DLG2: variants seen among roughly 807,000 people sequenced by gnomAD.
DLG2 encodes the protein discs large MAGUK scaffold protein 2.
Under a neutral mutation model 132.5 loss-of-function variants are expected in DLG2, and 45 were observed. That is an observed-to-expected ratio of 0.34 (90% CI 0.27 to 0.44). The LOEUF is 0.44. DLG2 is among the 20% of genes least tolerant of loss of function. The probability of loss-of-function intolerance (pLI) is 1.00; values close to 1 mark genes in which losing one functional copy is unlikely to be tolerated. For missense variants in DLG2, 1,045 were observed against 1,196.9 expected, an observed-to-expected ratio of 0.87 and a Z score of 1.87; for synonymous variants, 424 against 419.6, an observed-to-expected ratio of 1.01 and a Z score of -0.13.
chr11:83,799,010 TA>T (rs1018832895), intron 17 of DLG2, among the ~76,000 whole-genome samples: 3 of 152,182 alleles, frequency 2.0e-5, no homozygotes, highest in African/African-American at 7.2e-5. Context: ...TTCTATGGCT[TA>T]AAAATAACAT....
intron 6 of DLG2, among the ~76,000 whole-genome samples, chr11:84,633,487 T>TA (rs915246165): frequency 6.0e-4 from 91 of 152,178 alleles, no homozygotes; most frequent in African/African-American, 2.1e-3. Flanking sequence ...GTGCACCACT[T>TA]ACTCCAAGAA....
intron 19 of DLG2, among the ~76,000 whole-genome samples, chr11:83,605,003 A>AAGAGAGAGAGAGAGAGAGAGAG (rs1468336370): frequency 3.8e-5 from 3 of 79,950 alleles, no homozygotes; most frequent in Non-Finnish European, 7.7e-5. Context: ...CCAGTTTTCA[A>AAGAGAGAGAGAGAGAGAGAGAG]AGACAGAGAG....
At chr11:85,071,601 A>G (rs541113510) in intron 6 of DLG2, among the ~76,000 whole-genome samples, 33 of 151,862 alleles carry the variant, frequency 2.2e-4, no homozygotes, top group Non-Finnish European at 4.3e-4. Context: ...ATCTGTGGAC[A>G]TGCCAAATCA....
intron 18 of DLG2, among the ~76,000 whole-genome samples, chr11:83,666,206 C>T (rs956852651): frequency 1.3e-5 from 2 of 152,236 alleles, no homozygotes; most frequent in African/African-American, 4.8e-5. Flanking sequence ...TAAAGGCTGT[C>T]TTGTATTTGA....
rs1240908695 is a variant in DLG2, at chr11:83,694,376, A to G, written c.1826-61051T>C. 2.0e-5 allele frequency among the ~76,000 whole-genome samples: 3 copies of G among 152,166 alleles called. No homozygotes were observed. The East Asian group carries it at 5.8e-4, about 29-fold the overall frequency. ...AAACAGATAAGAAAAGGGAAGAACA[A>G]AGGCCATTGTCCCCGGCCCTGGAGA... On this transcript the variant is annotated intron_variant, in intron 18 of 27. Transcript: ENST00000376104.
intron 8 of DLG2, among the ~76,000 whole-genome samples, chr11:84,188,871 A>G (rs1239909764): frequency 1.3e-5 from 2 of 152,204 alleles, no homozygotes; most frequent in Admixed American, 1.3e-4. Flanking sequence ...TATACCCTCA[A>G]TAATCACCCA....
intron 6 of DLG2, among the ~76,000 whole-genome samples, chr11:84,748,286 AACAG>A (rs2065651104): frequency 6.6e-6 from 1 of 152,338 alleles, no homozygotes; most frequent in Non-Finnish European, 1.5e-5. Flanking sequence ...CCTTCTGAAT[AACAG>A]ACATTAATGA....
At chr11:85,002,262 G>A (rs117390116) in intron 6 of DLG2, among the ~76,000 whole-genome samples, 126 of 152,034 alleles carry the variant, frequency 8.3e-4, no homozygotes, top group Non-Finnish European at 1.5e-3. Context: ...GCCCTGATTT[G>A]GCTAGTTGCT....
At chr11:85,492,348 A>G (rs1315153552) in intron 3 of DLG2, among the ~76,000 whole-genome samples, 3 of 152,194 alleles carry the variant, frequency 2.0e-5, no homozygotes, top group African/African-American at 7.2e-5. Context: ...GCTATTAATT[A>G]CAATGAAGCC....
intron 3 of DLG2, among the ~76,000 whole-genome samples, chr11:85,352,177 A>G (rs929811477): frequency 6.6e-6 from 1 of 151,902 alleles, no homozygotes; most frequent in African/African-American, 2.4e-5. Context: ...TTTCTTCTAG[A>G]TTTTCTAGTT....
At chr11:84,791,044 T>TGGTGG (rs2073770422) in intron 6 of DLG2, among the ~76,000 whole-genome samples, 1 of 152,144 alleles carries the variant, frequency 6.6e-6, no homozygotes, top group Non-Finnish European at 1.5e-5. Flanking sequence ...TCAGGAAACT[T>TGGTGG]ACAGTCATGG....
chr11:85,452,608 G>A, intron 3 of DLG2: 1 of 201,774 alleles, frequency 5.0e-6, no homozygotes. Context: ...GTCATATCAG[G>A]CCATCTTGGG....
chr11:83,810,240 C>T (rs2046918006), intron 17 of DLG2, among the ~76,000 whole-genome samples: 1 of 151,994 alleles, frequency 6.6e-6, no homozygotes, highest in Non-Finnish European at 1.5e-5. Context: ...ATTTAGCTGC[C>T]TTCTTTCTCA....
chr11:85,154,961 G>C (rs1209091201), intron 4 of DLG2, among the ~76,000 whole-genome samples: 1 of 152,216 alleles, frequency 6.6e-6, no homozygotes, highest in African/African-American at 2.4e-5. Flanking sequence ...TTAATGGGAA[G>C]ATGAAGATAG....
chr11:84,194,280 TGTTA>T (rs1399301742), intron 8 of DLG2, among the ~76,000 whole-genome samples: 8 of 152,148 alleles, frequency 5.3e-5, no homozygotes, highest in African/African-American at 1.7e-4. Context: ...TTGCGGTCAG[TGTTA>T]CAGTTCCTAA....
chr11:84,920,968 GAATCATGTTA>G (rs1197331417), intron 6 of DLG2, among the ~76,000 whole-genome samples: 1 of 151,990 alleles, frequency 6.6e-6, no homozygotes, highest in East Asian at 1.9e-4. Context: ...ACTGTAACAA[GAATCATGTTA>G]AATCATGTTA....
chr11:84,925,122 T>C (rs1007408422), intron 6 of DLG2, among the ~76,000 whole-genome samples: 2 of 152,154 alleles, frequency 1.3e-5, no homozygotes, highest in African/African-American at 4.8e-5. Flanking sequence ...ATAAGTACCA[T>C]TTTTTTCCAT....
Position 85,107,213 on chromosome 11 carries a change from G to A in DLG2, c.357+4448C>T, listed in dbSNP as rs143930087. The stretch of plus-strand genomic sequence containing the variant: ...ATAATAGCAGTCAACTTAGCTTTAA[G>A]AAACTCCTTTCCCAGCATTAATTTC... On this transcript the variant is annotated intron_variant, in intron 6 of 27. Coordinates refer to ENST00000376104, the MANE Select transcript of DLG2 (RefSeq NM_001142699.3). Among the ~76,000 whole-genome samples, 106 of 152,096 alleles carry A rather than the reference G, an allele frequency of 7.0e-4. 1 individual carries two copies. The highest frequency in any genetic ancestry group is 2.3e-3 in the African/African-American group (95 of 41,530).
intron 11 of DLG2, among the ~76,000 whole-genome samples, chr11:83,987,460 C>T (rs2093408173): frequency 6.6e-6 from 1 of 152,136 alleles, no homozygotes; most frequent in South Asian, 2.1e-4. Context: ...TACAAGGCTA[C>T]AGTAACCAAA....
Sources: allele counts gnomAD v4.1 joint callset (sites outside exome capture counted in the v4.1 genomes callset), GRCh38; gene constraint gnomAD v4.1.1; transcripts MANE v1.5; gene names NCBI Gene and HGNC (gene_info 2026-07-23, HGNC 2026-07-21).